PCCA: variants seen among roughly 807,000 people sequenced by gnomAD.
PCCA encodes the protein propionyl-CoA carboxylase alpha chain, mitochondrial.
A neutral mutation model predicts 101.3 loss-of-function variants in PCCA; 74 were observed. The ratio of observed to expected loss-of-function variants is 0.73; its 90% CI spans 0.61 to 0.89. The LOEUF is 0.89. Among genes scored for constraint, PCCA ranks in the 40% least tolerant of loss-of-function variants. The pLI is 0.00. For missense variants in PCCA, 891 were observed against 907.0 expected (o/e 0.98, Z 0.23); for synonymous variants, 294 against 313.6 (o/e 0.94, Z 0.66).
intron 19 of PCCA, among the ~76,000 whole-genome samples, chr13:100,370,406 A>C (rs1204743268): frequency 6.6e-6 from 1 of 152,024 alleles, no homozygotes; most frequent in African/African-American, 2.4e-5. Context: ...CCATGTTGAA[A>C]AGTAGAGACC....
At chr13:100,289,608 A>G (rs2064976335) in intron 12 of PCCA, among the ~76,000 whole-genome samples, 2 of 152,004 alleles carry the variant, frequency 1.3e-5, no homozygotes, top group East Asian at 1.9e-4. Context: ...GTTGCTTGAA[A>G]TAATGGTTAA....
chr13:100,169,438 CA>C (rs10606930), intron 6 of PCCA, among the ~76,000 whole-genome samples: 49,865 of 133,674 alleles, frequency 0.37, 8,902 homozygotes, highest in Middle Eastern at 0.49. Flanking sequence ...GAGACTGTCT[CA>C]AAAAAAAAAA....
At chr13:100,185,646 T>C (rs954873049) in intron 6 of PCCA, among the ~76,000 whole-genome samples, 10 of 86,654 alleles carry the variant, frequency 1.2e-4, no homozygotes, top group Non-Finnish European at 1.7e-4. Context: ...AATTTCTTTT[T>C]CTTTTTTTTT....
intron 19 of PCCA, among the ~76,000 whole-genome samples, chr13:100,383,806 A>G (rs1277858484): frequency 6.6e-6 from 1 of 152,174 alleles, no homozygotes; most frequent in African/African-American, 2.4e-5. Context: ...TTTTCTCCTC[A>G]AAGAAAGAAT....
At chr13:100,287,911 A>C (rs2064815328) in intron 12 of PCCA, among the ~76,000 whole-genome samples, 3 of 152,124 alleles carry the variant, frequency 2.0e-5, no homozygotes, top group Admixed American at 2.0e-4. Context: ...TATATTTGAA[A>C]TTTTAACTCA....
intron 20 of PCCA, among the ~76,000 whole-genome samples, chr13:100,438,703 G>A (rs2080122400): frequency 6.6e-6 from 1 of 151,306 alleles, no homozygotes; most frequent in Non-Finnish European, 1.5e-5. Flanking sequence ...GCAGCCATCC[G>A]AGATCACGCT....
intron 21 of PCCA, among the ~76,000 whole-genome samples, chr13:100,495,793 A>C (rs1377046328): frequency 6.6e-6 from 1 of 152,208 alleles, no homozygotes; most frequent in African/African-American, 2.4e-5. Flanking sequence ...TCCCCATCTA[A>C]AAGGAAAACT....
At chr13:100,410,486 C>G (rs1042926088) in intron 19 of PCCA, among the ~76,000 whole-genome samples, 1 of 152,130 alleles carries the variant, frequency 6.6e-6, no homozygotes, top group African/African-American at 2.4e-5. Context: ...CGTGATCCAC[C>G]TGCCTTGGCC....
intron 12 of PCCA, among the ~76,000 whole-genome samples, chr13:100,274,889 C>G (rs1443392238): frequency 6.6e-6 from 1 of 152,004 alleles, no homozygotes; most frequent in Non-Finnish European, 1.5e-5. Context: ...ACACATATGG[C>G]CTACAGAGAT....
chr13:100,325,261 C>T (rs960652397), intron 16 of PCCA, among the ~76,000 whole-genome samples: 2 of 151,932 alleles, frequency 1.3e-5, no homozygotes, highest in African/African-American at 4.8e-5. Context: ...CCCATAGACT[C>T]GAATATGACT....
chr13:100,126,611 A>G (rs1045513610), intron 4 of PCCA, among the ~76,000 whole-genome samples: 4 of 152,156 alleles, frequency 2.6e-5, no homozygotes, highest in Non-Finnish European at 5.9e-5. Flanking sequence ...TGTGCCCAGC[A>G]TGGTTGGGGT....
intron 4 of PCCA, among the ~76,000 whole-genome samples, chr13:100,116,183 G>T (rs1378512946): frequency 2.0e-5 from 3 of 152,162 alleles, no homozygotes; most frequent in African/African-American, 7.2e-5. Context: ...CTATTCAGAT[G>T]TATTAATTTT....
chr13:100,518,853 A>G (rs1213416573), intron 22 of PCCA, among the ~76,000 whole-genome samples: 1 of 152,254 alleles, frequency 6.6e-6, no homozygotes, highest in African/African-American at 2.4e-5. Context: ...CAAAGTTAGC[A>G]TGACTCAGCT....
chr13:100,324,342 C>T (rs866118690), intron 16 of PCCA, among the ~76,000 whole-genome samples: 1 of 152,272 alleles, frequency 6.6e-6, no homozygotes, highest in Middle Eastern at 3.4e-3. Flanking sequence ...TTTGATATTA[C>T]AGTTGACCTT....
intron 19 of PCCA, among the ~76,000 whole-genome samples, chr13:100,392,988 C>T (rs904206459): frequency 2.0e-5 from 3 of 152,266 alleles, no homozygotes; most frequent in Middle Eastern, 3.4e-3. Context: ...AAGCCTGGGG[C>T]CTCCTGACGG....
At chr13:100,483,254 G>GAA (rs796889153) in intron 21 of PCCA, among the ~76,000 whole-genome samples, 1 of 143,782 alleles carries the variant, frequency 7.0e-6, no homozygotes, top group Non-Finnish European at 1.5e-5. Flanking sequence ...GCCTTTCAGG[G>GAA]AAAAAAAAAA....
intron 8 of PCCA, among the ~76,000 whole-genome samples, chr13:100,243,486 C>G (rs1327702514): frequency 6.6e-6 from 1 of 152,068 alleles, no homozygotes; most frequent in Non-Finnish European, 1.5e-5. Flanking sequence ...ACATGATAAA[C>G]TTTCAGCAAA....
intron 4 of PCCA, among the ~76,000 whole-genome samples, chr13:100,137,574 T>C (rs939571743): frequency 8.5e-5 from 13 of 152,234 alleles, no homozygotes; most frequent in African/African-American, 2.7e-4. Context: ...ACCCTGTTAC[T>C]ATTAGGTAAT....
At chr13:100,109,354 G>T (rs9518005) in intron 2 of PCCA, among the ~76,000 whole-genome samples, 1 of 152,168 alleles carries the variant, frequency 6.6e-6, no homozygotes, top group Non-Finnish European at 1.5e-5. Flanking sequence ...CTTGGCTGCA[G>T]ACTGACTCGT....
Sources: gnomAD v4.1 joint callset for allele counts (sites outside exome capture counted in the v4.1 genomes callset) on GRCh38, gnomAD v4.1.1 for gene constraint, MANE v1.5 for transcripts, NCBI Gene and HGNC (gene_info 2026-07-23, HGNC 2026-07-21) for gene names.